The following XYLT1 variants were observed in gnomAD, a reference collection of about 807,000 sequenced individuals.
The protein encoded by XYLT1 is beta-D-xylosyltransferase 1.
Under a neutral mutation model 91.3 loss-of-function variants are expected in XYLT1, and 36 were observed. That is an observed-to-expected ratio of 0.39 (90% CI 0.30 to 0.52). XYLT1 has a LOEUF of 0.52. Among genes scored for constraint, XYLT1 ranks in the 20% least tolerant of loss-of-function variants. The pLI is 0.68. For missense variants in XYLT1, 1,242 were observed against 1,284.5 expected (o/e 0.97, Z 0.51); for synonymous variants, 588 against 532.0 (o/e 1.11, Z -1.45).
At chr16:17,224,189 T>C (rs187011164) in intron 3 of XYLT1, among the ~76,000 whole-genome samples, 9 of 152,366 alleles carry the variant, frequency 5.9e-5, no homozygotes, top group Admixed American at 4.6e-4. Flanking sequence ...GGAGCTGTTG[T>C]ACAGATGTTC....
At chr16:17,186,421 C>T (rs2032183897) in intron 5 of XYLT1, among the ~76,000 whole-genome samples, 1 of 151,934 alleles carries the variant, frequency 6.6e-6, no homozygotes, top group African/African-American at 2.4e-5. Flanking sequence ...TATTTTGAGC[C>T]TCCCAAGTAT....
chr16:17,336,240 C>A (rs1212002218), intron 2 of XYLT1, among the ~76,000 whole-genome samples: 1 of 152,210 alleles, frequency 6.6e-6, no homozygotes, highest in Non-Finnish European at 1.5e-5. Context: ...ACTTTCAAAG[C>A]AAGGTCTGCA....
chr16:17,203,900 A>C (rs1489736561), intron 3 of XYLT1, among the ~76,000 whole-genome samples: 1 of 152,234 alleles, frequency 6.6e-6, no homozygotes, highest in East Asian at 1.9e-4. Flanking sequence ...ATAGTTTTTG[A>C]ATGAGCAAAT....
rs117645174 is a variant in XYLT1, at chr16:17,371,486, G to T, written c.364-13436C>A. 5.9e-5 allele frequency among the ~76,000 whole-genome samples: 9 copies of T among 152,328 alleles called. No homozygotes were observed. The East Asian group carries it at 1.7e-3, about 29-fold the overall frequency. Reference sequence around the variant, plus strand: ...ATAAAGAAGAGTTTGGGGTATAAATGACACAGCAGAAGGAGACAAGCTCAA... The same window carrying T: ...ATAAAGAAGAGTTTGGGGTATAAATTACACAGCAGAAGGAGACAAGCTCAA... On this transcript the variant is annotated intron_variant, in intron 1 of 11. Transcript: ENST00000261381.
chr16:17,187,500 A>C (rs757719610), intron 5 of XYLT1, among the ~76,000 whole-genome samples: 3 of 142,092 alleles, frequency 2.1e-5, no homozygotes, highest in Non-Finnish European at 4.5e-5. Context: ...CTGGGAGGCA[A>C]AGGTTAGAGT....
intron 3 of XYLT1, among the ~76,000 whole-genome samples, chr16:17,231,578 CT>C (rs1362044253): frequency 6.6e-5 from 10 of 152,268 alleles, no homozygotes; most frequent in African/African-American, 2.4e-4. Flanking sequence ...GATTTTGTTG[CT>C]GTGAGACTAT....
At chr16:17,394,378 G>C in intron 1 of XYLT1, among the ~76,000 whole-genome samples, 1 of 152,168 alleles carries the variant, frequency 6.6e-6, no homozygotes, top group East Asian at 1.9e-4. Flanking sequence ...CTCCATGGGA[G>C]GCAGCGGTGG....
chr16:17,311,897 T>C (rs1411142999), intron 2 of XYLT1, among the ~76,000 whole-genome samples: 1 of 149,120 alleles, frequency 6.7e-6, no homozygotes, highest in African/African-American at 2.5e-5. Flanking sequence ...TCAGATCTCA[T>C]GAGACTTATT....
At chr16:17,266,136 T>C (rs180872403) in intron 2 of XYLT1, among the ~76,000 whole-genome samples, 30 of 152,280 alleles carry the variant, frequency 2.0e-4, no homozygotes, top group Non-Finnish European at 1.8e-4. Context: ...TATTATCGTC[T>C]ATAGCAGCAC....
chr16:17,138,262 A>G, intron 8 of XYLT1, 93 bp downstream of exon 8: 1 of 1,479,552 alleles, frequency 6.8e-7, no homozygotes, highest in Non-Finnish European at 9.2e-7. Context: ...GCACCATGTG[A>G]TAAGATGACC....
At chr16:17,326,822 C>T (rs1423487191) in intron 2 of XYLT1, among the ~76,000 whole-genome samples, 1 of 150,210 alleles carries the variant, frequency 6.7e-6, no homozygotes, top group African/African-American at 2.4e-5. Context: ...GAGACTCCAT[C>T]TCAAAAACAA....
At chr16:17,372,082 T>C (rs1192931196) in intron 1 of XYLT1, among the ~76,000 whole-genome samples, 2 of 152,172 alleles carry the variant, frequency 1.3e-5, no homozygotes, top group Non-Finnish European at 2.9e-5. Flanking sequence ...CAGACAAGAT[T>C]CCACTAAGAG....
At chr16:17,323,600 T>G (rs1459691523) in intron 2 of XYLT1, among the ~76,000 whole-genome samples, 1 of 152,170 alleles carries the variant, frequency 6.6e-6, no homozygotes, top group African/African-American at 2.4e-5. Flanking sequence ...GTCATCACGG[T>G]TCACTTTATT....
chr16:17,330,631 A>T (rs1181418875), intron 2 of XYLT1, among the ~76,000 whole-genome samples: 10 of 125,390 alleles, frequency 8.0e-5, no homozygotes, highest in African/African-American at 3.6e-4. Context: ...TACTAAAAAT[A>T]AAAAAAAAAA....
At chr16:17,455,901 G>A (rs1046818487) in intron 1 of XYLT1, among the ~76,000 whole-genome samples, 38 of 152,212 alleles carry the variant, frequency 2.5e-4, no homozygotes, top group African/African-American at 8.9e-4. Context: ...GCCAGGTCTG[G>A]CTTCCATTTG....
At chr16:17,109,155 T>G in intron 11 of XYLT1, 138 bp from the exon 12 acceptor site, 2 of 954,480 alleles carry the variant, frequency 2.1e-6, no homozygotes, top group Non-Finnish European at 2.9e-6. Context: ...ATGAGGAAGT[T>G]CTTTTAGCAG....
intron 5 of XYLT1, among the ~76,000 whole-genome samples, chr16:17,175,617 C>A (rs1287669492): frequency 6.6e-6 from 1 of 152,182 alleles, no homozygotes; most frequent in East Asian, 1.9e-4. Flanking sequence ...GCAGAACTTA[C>A]CTCCCTGTCC....
intron 2 of XYLT1, among the ~76,000 whole-genome samples, chr16:17,344,094 A>G (rs2035105641): frequency 1.3e-5 from 2 of 152,104 alleles, no homozygotes; most frequent in Admixed American, 6.6e-5. Context: ...GTCCAGAGAC[A>G]TTTGTGAGAC....
chr16:17,338,026 C>A (rs1236305032), intron 2 of XYLT1: 3 of 362,410 alleles, frequency 8.3e-6, no homozygotes, highest in Non-Finnish European at 1.7e-5. Context: ...CCTCGGCCTC[C>A]CAAAGTGCTG....
Sources: gnomAD v4.1 joint callset for allele counts (sites outside exome capture counted in the v4.1 genomes callset) on GRCh38, gnomAD v4.1.1 for gene constraint, MANE v1.5 for transcripts, NCBI Gene and HGNC (gene_info 2026-07-23, HGNC 2026-07-21) for gene names.